ARFIP1: variants seen among roughly 807,000 people sequenced by gnomAD.
ARFIP1 encodes arfaptin-1.
Under a neutral mutation model 42.5 loss-of-function variants are expected in ARFIP1, and 24 were observed. The ratio of observed to expected loss-of-function variants is 0.57; its 90% CI spans 0.41 to 0.80. ARFIP1 has a LOEUF of 0.80. ARFIP1 is among the 30% of genes least tolerant of loss of function. ARFIP1 has a pLI of 0.00. For missense variants in ARFIP1, 354 were observed against 434.0 expected (o/e 0.82, Z 1.64); for synonymous variants, 141 against 153.7 (o/e 0.92, Z 0.61).
At chr4:152,909,091 A>G (rs1738624831) in intron 8 of ARFIP1, among the ~76,000 whole-genome samples, 1 of 152,236 alleles carries the variant, frequency 6.6e-6, no homozygotes, top group Non-Finnish European at 1.5e-5. Flanking sequence ...AGTTGTAAAT[A>G]AGACCTCAGA....
chr4:152,827,882 C>A (rs990179515), intron 1 of ARFIP1, among the ~76,000 whole-genome samples: 3 of 152,086 alleles, frequency 2.0e-5, no homozygotes, highest in African/African-American at 7.2e-5. Flanking sequence ...GCTATGTTCC[C>A]CAGGCTAGTC....
At chr4:152,845,928 T>A (rs56362951) in intron 2 of ARFIP1, among the ~76,000 whole-genome samples, 6,604 of 152,076 alleles carry the variant, frequency 0.043, 179 homozygotes, top group South Asian at 0.11. Context: ...AGTCACAGAG[T>A]CATACAATCA....
intron 2 of ARFIP1, among the ~76,000 whole-genome samples, chr4:152,832,193 G>A (rs920160522): frequency 6.6e-6 from 1 of 152,196 alleles, no homozygotes; most frequent in Non-Finnish European, 1.5e-5. Flanking sequence ...GGTTGGACCA[G>A]CTGGCAACAC....
chr4:152,867,228 C>G (rs868023741), intron 3 of ARFIP1, among the ~76,000 whole-genome samples: 2 of 152,214 alleles, frequency 1.3e-5, no homozygotes, highest in Non-Finnish European at 2.9e-5. Context: ...GCGAACGAGA[C>G]TCCGTCTGCA....
chr4:152,790,189 A>C (rs967607688), intron 1 of ARFIP1, among the ~76,000 whole-genome samples: 2 of 152,176 alleles, frequency 1.3e-5, no homozygotes, highest in African/African-American at 4.8e-5. Context: ...ATTACCTGTG[A>C]ATATTGAAGG....
chr4:152,872,306 A>T, intron 4 of ARFIP1, 146 bp from the exon 5 acceptor site: 1 of 590,596 alleles, frequency 1.7e-6, no homozygotes, highest in Non-Finnish European at 2.9e-6. Flanking sequence ...CAGCGATTCC[A>T]GGAAGTTCTA....
intron 8 of ARFIP1, among the ~76,000 whole-genome samples, chr4:152,908,678 G>A (rs1358665349): frequency 6.6e-6 from 1 of 152,008 alleles, no homozygotes; most frequent in Admixed American, 6.6e-5. Context: ...TATAATTTAT[G>A]GGTTTTATAA....
intron 2 of ARFIP1, among the ~76,000 whole-genome samples, chr4:152,857,582 G>T (rs1196180818): frequency 2.6e-5 from 4 of 152,142 alleles, no homozygotes; most frequent in African/African-American, 9.7e-5. Context: ...GCTTTGTATA[G>T]TTCCAATATA....
intron 1 of ARFIP1, among the ~76,000 whole-genome samples, chr4:152,786,412 G>A (rs1376575930): frequency 6.6e-6 from 1 of 151,956 alleles, no homozygotes; most frequent in Admixed American, 6.6e-5. Context: ...TCTTTTCATT[G>A]TAAAATCCAG....
chr4:152,796,128 T>G, intron 1 of ARFIP1: 1 of 749,436 alleles, frequency 1.3e-6, no homozygotes. Flanking sequence ...TGGGCATATT[T>G]CCCCAAATAA....
chr4:152,876,033 AC>A (rs368402283), intron 5 of ARFIP1, among the ~76,000 whole-genome samples: 5 of 152,200 alleles, frequency 3.3e-5, no homozygotes, highest in African/African-American at 1.2e-4. Context: ...GCCATGTGGA[AC>A]TGTAAGTCCA....
At chr4:152,781,409 G>T (rs1730489974) in intron 1 of ARFIP1, among the ~76,000 whole-genome samples, 1 of 151,946 alleles carries the variant, frequency 6.6e-6, no homozygotes, top group East Asian at 1.9e-4. Flanking sequence ...GCTAATTTTT[G>T]TATTTTTAGT....
chr4:152,829,506 A>T (rs1731101116), intron 1 of ARFIP1, 119 bp from the exon 2 acceptor site: 10 of 583,156 alleles, frequency 1.7e-5, no homozygotes, highest in Non-Finnish European at 3.0e-5. Flanking sequence ...TTATACAAGT[A>T]TTTGGTAGGT....
At position 152,804,732 on chromosome 4, in the gene ARFIP1, T is replaced by C. The variant is rs546973383; in HGVS notation, c.-10+24506T>C. 2.5e-4 allele frequency among the ~76,000 whole-genome samples: 38 copies of C among 151,516 alleles called. 1 individual carries two copies. In the South Asian group the frequency reaches 6.0e-3, roughly 24 times the overall value. ...TAATGGTACCTAGGTCAGAGATTTG[T>C]TGTGAGGTTAAATGAGATAATGCAC... On this transcript the variant is annotated intron_variant, in intron 1 of 8. Coordinates refer to ENST00000353617, the MANE Select transcript of ARFIP1 (RefSeq NM_001025595.3).
intron 3 of ARFIP1, among the ~76,000 whole-genome samples, chr4:152,869,957 G>A (rs768272945): frequency 7.2e-5 from 11 of 152,204 alleles, no homozygotes; most frequent in Non-Finnish European, 1.6e-4. Flanking sequence ...ATAGATGCCT[G>A]TTTCACTGAT....
chr4:152,880,365 AT>A (rs1344511416), intron 5 of ARFIP1, among the ~76,000 whole-genome samples: 8 of 148,880 alleles, frequency 5.4e-5, no homozygotes, highest in Non-Finnish European at 6.0e-5. Context: ...AAAAAAAAAA[AT>A]TATAGGTTTC....
At chr4:152,862,493 C>A (rs1288040565) in intron 2 of ARFIP1, among the ~76,000 whole-genome samples, 3 of 151,178 alleles carry the variant, frequency 2.0e-5, no homozygotes, top group Admixed American at 2.0e-4. Flanking sequence ...ATATCCTGGA[C>A]CCCTGCTATA....
At chr4:152,863,440 C>T (rs1275477862) in intron 2 of ARFIP1, among the ~76,000 whole-genome samples, 166 bp from the exon 3 acceptor site, 2 of 152,158 alleles carry the variant, frequency 1.3e-5, no homozygotes, top group Non-Finnish European at 2.9e-5. Flanking sequence ...GCTGTATTTG[C>T]TGCTGATTAT....
At position 152,836,503 on chromosome 4, in the gene ARFIP1, G is replaced by A. The variant is rs568168853; in HGVS notation, c.93+6777G>A. 7.2e-5 allele frequency among the ~76,000 whole-genome samples: 11 copies of A among 152,232 alleles called. No homozygotes were observed. In the South Asian group the frequency reaches 2.1e-3, roughly 29 times the overall value. On this transcript the variant is annotated intron_variant, in intron 2 of 8. Coordinates refer to ENST00000353617, the MANE Select transcript of ARFIP1 (RefSeq NM_001025595.3). ...TTTTCAGATGATTGTATATGTGTGG[G>A]TCTGTTTCTGGTATCTCTTTTCTTT...
Sources: allele counts gnomAD v4.1 joint callset (sites outside exome capture counted in the v4.1 genomes callset), GRCh38; gene constraint gnomAD v4.1.1; transcripts MANE v1.5; gene names NCBI Gene and HGNC (gene_info 2026-07-23, HGNC 2026-07-21).